DTD1: variants seen among roughly 807,000 people sequenced by gnomAD.
DTD1 encodes D-aminoacyl-tRNA deacylase 1, also known as D-tyrosyl-tRNA deacylase 1 homolog.
DTD1 carries 13 observed loss-of-function variants against 25.6 expected under a neutral mutation model. The observed-to-expected ratio is 0.51, with a 90% CI of 0.33 to 0.81. The LOEUF is 0.81. Ranked by LOEUF, DTD1 falls within the 30% of genes least tolerant of loss-of-function variation. The probability of loss-of-function intolerance (pLI) is 0.02; values close to 1 mark genes in which losing one functional copy is unlikely to be tolerated. For missense variants in DTD1, 193 were observed against 266.4 expected (o/e 0.72, Z 1.92); for synonymous variants, 110 against 103.6 (o/e 1.06, Z -0.37).
At chr20:18,647,939 T>TGTC (rs2060856319) in intron 4 of DTD1, among the ~76,000 whole-genome samples, 2 of 152,032 alleles carry the variant, frequency 1.3e-5, no homozygotes, top group South Asian at 4.2e-4. Context: ...GGGAGAGTGG[T>TGTC]GTCATCAACC....
chr20:18,708,208 T>TA (rs1568676538), intron 4 of DTD1, among the ~76,000 whole-genome samples: 8 of 5,708 alleles, frequency 1.4e-3, no homozygotes, highest in African/African-American at 2.2e-3. Flanking sequence ...TATATATATT[T>TA]TATATATATA....
chr20:18,709,464 G>GA (rs2061149786), intron 4 of DTD1, among the ~76,000 whole-genome samples: 1 of 152,116 alleles, frequency 6.6e-6, no homozygotes, highest in Admixed American at 6.5e-5. Context: ...GGAAGGTGTT[G>GA]AAAAATCTTT....
chr20:18,649,326 C>CTTTTTTTCTTTTTTTTT (rs2060864132), intron 4 of DTD1, among the ~76,000 whole-genome samples: 4 of 57,628 alleles, frequency 6.9e-5, no homozygotes, highest in South Asian at 7.0e-4. Context: ...ATTCATCTTT[C>CTTTTTTTCTTTTTTTTT]TTTTTTTTTT....
intron 4 of DTD1, among the ~76,000 whole-genome samples, chr20:18,658,237 C>A (rs971873774): frequency 4.0e-5 from 6 of 148,776 alleles, no homozygotes; most frequent in Middle Eastern, 3.5e-3. Flanking sequence ...GTTTCCCCCA[C>A]CCCTGTGTGT....
chr20:18,732,413 A>C (rs538584224), intron 4 of DTD1, among the ~76,000 whole-genome samples: 129 of 152,220 alleles, frequency 8.5e-4, no homozygotes, highest in Non-Finnish European at 1.6e-3. Flanking sequence ...GTTGATGTAG[A>C]ATCAATAGGT....
chr20:18,759,121 T>G, intron 5 of DTD1, among the ~76,000 whole-genome samples: 1 of 152,236 alleles, frequency 6.6e-6, no homozygotes. Context: ...ATTTTGAGCA[T>G]ATGTGTGTCT....
intron 4 of DTD1, among the ~76,000 whole-genome samples, chr20:18,629,083 G>A (rs547365501): frequency 2.9e-5 from 4 of 136,070 alleles, no homozygotes; most frequent in South Asian, 4.9e-4. Context: ...CGCAACCTCC[G>A]CCTCCTGGGT....
chr20:18,735,844 A>G (rs374023392), intron 4 of DTD1, among the ~76,000 whole-genome samples: 18 of 152,124 alleles, frequency 1.2e-4, no homozygotes, highest in African/African-American at 3.9e-4. Flanking sequence ...CACCATCACC[A>G]TCTCACTCTA....
chr20:18,721,664 CTG>C (rs2061204015), intron 4 of DTD1, among the ~76,000 whole-genome samples: 1 of 152,162 alleles, frequency 6.6e-6, no homozygotes, highest in Non-Finnish European at 1.5e-5. Context: ...TAGACTGTGT[CTG>C]TAAAACCGTC....
At chr20:18,723,469 G>A (rs2061212795) in intron 4 of DTD1, among the ~76,000 whole-genome samples, 1 of 152,218 alleles carries the variant, frequency 6.6e-6, no homozygotes, top group Non-Finnish European at 1.5e-5. Context: ...ATTTACAAAA[G>A]CAGGAATGTT....
chr20:18,723,760 C>A (rs1382428324), intron 4 of DTD1, among the ~76,000 whole-genome samples: 3 of 152,164 alleles, frequency 2.0e-5, no homozygotes, highest in African/African-American at 7.2e-5. Flanking sequence ...AGGATTTTAA[C>A]CTATTGCTTC....
chr20:18,744,655 A>AAAC (rs10632823), intron 5 of DTD1, among the ~76,000 whole-genome samples: 34,991 of 119,078 alleles, frequency 0.29, 7,216 homozygotes, highest in African/African-American at 0.39. Context: ...AAAACAAAAA[A>AAAC]CAAGTGAAAG....
At chr20:18,645,105 G>T (rs927792933) in intron 4 of DTD1, among the ~76,000 whole-genome samples, 1 of 152,178 alleles carries the variant, frequency 6.6e-6, no homozygotes, top group East Asian at 1.9e-4. Context: ...AGCCATGATC[G>T]TGTGTCTGGA....
chr20:18,591,772 A>G (rs1285790349), intron 1 of DTD1, among the ~76,000 whole-genome samples: 1 of 152,222 alleles, frequency 6.6e-6, no homozygotes, highest in East Asian at 1.9e-4. Context: ...GATTTATTCA[A>G]AGAACAAATA....
At chr20:18,627,510 A>G (rs2060764491) in intron 3 of DTD1, among the ~76,000 whole-genome samples, 1 of 152,100 alleles carries the variant, frequency 6.6e-6, no homozygotes, top group Non-Finnish European at 1.5e-5. Flanking sequence ...GTGTTACCAG[A>G]CCTTTTATTT....
chr20:18,707,196 T>C (rs971349778), intron 4 of DTD1, among the ~76,000 whole-genome samples: 5 of 152,252 alleles, frequency 3.3e-5, no homozygotes, highest in Admixed American at 1.3e-4. Flanking sequence ...ATGGTCAGGA[T>C]TCCAGTTATA....
chr20:18,596,000 C>T lies in DTD1; in HGVS notation c.135-6C>T, dbSNP rs1322134731. The T allele has an allele frequency of 6.2e-7, 1 of 1,613,506 alleles. No homozygotes were observed. The highest frequency in any genetic ancestry group is 8.5e-7 in the Non-Finnish European group (1 of 1,179,518). ...AGGTAGCTCTCACTGCTCTTTTTCCCCTTAGGGTCCGAAAGATTCTAAACC... is the reference window on the plus strand; with the variant it reads ...AGGTAGCTCTCACTGCTCTTTTTCCTCTTAGGGTCCGAAAGATTCTAAACC... On this transcript the variant is annotated splice_polypyrimidine_tract_variant and splice_region_variant and intron_variant, in intron 2 of 5. Transcript: ENST00000377452.
chr20:18,674,495 T>C (rs1359328333), intron 4 of DTD1: 2 of 152,226 alleles, frequency 1.3e-5, no homozygotes, highest in African/African-American at 2.4e-5. Context: ...GCAGCATGCA[T>C]AGTTTCAAGA....
chr20:18,588,894 T>A (rs1444913491), intron 1 of DTD1: 1 of 983,928 alleles, frequency 1.0e-6, no homozygotes, highest in Non-Finnish European at 1.2e-6. Flanking sequence ...GTACGAAAGA[T>A]ATTTTTTAAA....
Sources: gnomAD v4.1 joint callset for allele counts (sites outside exome capture counted in the v4.1 genomes callset) on GRCh38, gnomAD v4.1.1 for gene constraint, MANE v1.5 for transcripts, NCBI Gene and HGNC (gene_info 2026-07-23, HGNC 2026-07-21) for gene names.